The following PDE8B variants were observed in gnomAD, a reference collection of about 807,000 sequenced individuals.
The protein encoded by PDE8B is high affinity cAMP-specific and IBMX-insensitive 3',5'-cyclic phosphodiesterase 8B.
Under a neutral mutation model 101.3 loss-of-function variants are expected in PDE8B, and 26 were observed. That is an observed-to-expected ratio of 0.26 (90% confidence interval 0.19 to 0.36). The LOEUF (loss-of-function observed/expected upper bound fraction) is 0.36. Among genes scored for constraint, PDE8B ranks in the 10% least tolerant of loss-of-function variants. The pLI, the probability that PDE8B is intolerant of heterozygous loss-of-function variation, is 1.00. For missense variants in PDE8B, 810 were observed against 1,163.1 expected (o/e 0.70, Z 4.42); for synonymous variants, 424 against 429.3 (o/e 0.99, Z 0.15).
chr5:77,292,524 C>T (rs1767594257), intron 1 of PDE8B, among the ~76,000 whole-genome samples: 1 of 152,168 alleles, frequency 6.6e-6, no homozygotes, highest in East Asian at 1.9e-4. Context: ...GGCCCCAGAC[C>T]CTCATCATCA....
At chr5:77,305,033 A>G (rs764931322) in intron 1 of PDE8B, among the ~76,000 whole-genome samples, 4 of 152,128 alleles carry the variant, frequency 2.6e-5, no homozygotes, top group Non-Finnish European at 4.4e-5. Context: ...TGGATATGTA[A>G]TAGAGTCTGC....
the PDE8B span, among the ~76,000 whole-genome samples, chr5:77,115,765 T>G: frequency 6.6e-6 from 1 of 152,206 alleles, no homozygotes; most frequent in South Asian, 2.1e-4. Flanking sequence ...TGTTAACATT[T>G]GAAAGCAAAA....
At chr5:77,333,365 C>A (rs1215775969) in intron 5 of PDE8B, among the ~76,000 whole-genome samples, 1 of 152,168 alleles carries the variant, frequency 6.6e-6, no homozygotes. Flanking sequence ...CACTCATTTT[C>A]TAAGAAATAG....
intron 2 of PDE8B, among the ~76,000 whole-genome samples, chr5:77,316,302 C>T (rs931882469): frequency 4.6e-5 from 7 of 152,132 alleles, no homozygotes; most frequent in African/African-American, 7.2e-5. Flanking sequence ...GGCACGATCT[C>T]GGCTCACTGC....
intron 1 of PDE8B, among the ~76,000 whole-genome samples, chr5:77,220,836 T>G (rs936700455): frequency 8.5e-5 from 13 of 152,170 alleles, no homozygotes; most frequent in Admixed American, 2.6e-4. Flanking sequence ...TGATCCATTG[T>G]GTGCTGGGGA....
At chr5:77,272,074 C>G (rs1046546552) in intron 1 of PDE8B, among the ~76,000 whole-genome samples, 1 of 152,206 alleles carries the variant, frequency 6.6e-6, no homozygotes, top group Non-Finnish European at 1.5e-5. Context: ...CTGGTCTAAA[C>G]TTCTGCCCCT....
At chr5:77,225,330 A>G (rs922853828) in intron 1 of PDE8B, among the ~76,000 whole-genome samples, 2 of 152,234 alleles carry the variant, frequency 1.3e-5, no homozygotes, top group African/African-American at 4.8e-5. Context: ...TTATCAGTTT[A>G]TAAATATTAG....
chr5:77,348,519 C>T (rs1780539656), intron 7 of PDE8B, among the ~76,000 whole-genome samples: 1 of 152,168 alleles, frequency 6.6e-6, no homozygotes, highest in South Asian at 2.1e-4. Context: ...CCTCCTGCCC[C>T]AGCCATTTAA....
intron 5 of PDE8B, among the ~76,000 whole-genome samples, chr5:77,335,289 G>A (rs1204986887): frequency 1.3e-5 from 2 of 152,094 alleles, no homozygotes; most frequent in Non-Finnish European, 2.9e-5. Flanking sequence ...CCTGAGTTCT[G>A]TTATAGGCTG....
chr5:77,412,148 ATGT>A lies in PDE8B; in HGVS notation c.1627_1629del (p.Val543del). 1 of 1,613,962 alleles carries A rather than the reference ATGT, an allele frequency of 6.2e-7. No individual in the cohort carries two copies. The highest frequency in any genetic ancestry group is 8.5e-7 in the Non-Finnish European group (1 of 1,179,816). On this transcript the variant is annotated inframe_deletion, in exon 16 of 22. Transcript: ENST00000264917. The stretch of plus-strand genomic sequence containing the variant: ...CTTGCAATGCCAATAACCATCAATG[ATGT>A]TCCCCCTTGTATCTCTCAATTACTT...
chr5:77,426,554 A>G lies in PDE8B; in HGVS notation c.2658A>G (p.Ter886=). ...GTTTGAGGCTTCCATCTGACAGCTA[A>G]AGCCAAGCCACAGAGGGGGCCTCTT... The part of the protein sequence containing the change: ...CKSLRLPSDS[*] Residue 886 remains the stop codon, a stop_retained_variant, in exon 22 of 22, where the codon TAA becomes TAG. Transcript: ENST00000264917. The G allele has an allele frequency of 6.4e-7, 1 of 1,559,548 alleles. No individual in the cohort carries two copies. Among genetic ancestry groups the G allele is most frequent in the South Asian group, 1.1e-5 (1 of 89,872 alleles).
chr5:77,101,135 G>GTTT, the PDE8B span, among the ~76,000 whole-genome samples: 1 of 133,306 alleles, frequency 7.5e-6, no homozygotes. Flanking sequence ...ACGCCTGCCT[G>GTTT]TTTTTTTTTT....
chr5:77,418,125 T>C, intron 17 of PDE8B, 104 bp from the exon 18 acceptor site: 1 of 799,124 alleles, frequency 1.3e-6, no homozygotes, highest in South Asian at 1.4e-5. Flanking sequence ...AAAAACGTTC[T>C]GAAAATCTCA....
At chr5:77,218,559 G>A (rs1488804131) in intron 1 of PDE8B, among the ~76,000 whole-genome samples, 1 of 152,222 alleles carries the variant, frequency 6.6e-6, no homozygotes, top group Non-Finnish European at 1.5e-5. Flanking sequence ...AGAGCAGAAG[G>A]ATGATAAACA....
Position 77,325,577 on chromosome 5 carries a change from T to C in PDE8B, c.438T>C (p.Asp146=), listed in dbSNP as rs763139202. ...TTGCAAAGGAAGATAGTCAGAGCGA[T>C]GGCTTCTGGTGGGCCTGCGACAGAG... ...LIFAKEDSQS[D]GFWWACDRAG... The change falls in exon 3 of 22, where the codon GAT becomes GAC. Residue 146 remains aspartate (D), a synonymous_variant. Transcript: ENST00000264917. 6.2e-7 allele frequency: 1 copy of C among 1,614,186 alleles called. No individual in the cohort carries two copies. Among genetic ancestry groups the C allele is most frequent in the Non-Finnish European group, 8.5e-7 (1 of 1,180,002 alleles).
chr5:77,103,774 C>G, the PDE8B span, among the ~76,000 whole-genome samples: 1 of 152,180 alleles, frequency 6.6e-6, no homozygotes, highest in Admixed American at 6.5e-5. Context: ...GGATTCTGTT[C>G]TGCTGTGTAC....
the PDE8B span, among the ~76,000 whole-genome samples, chr5:77,194,395 T>C: frequency 8.5e-5 from 13 of 152,254 alleles, no homozygotes; most frequent in Non-Finnish European, 1.6e-4. Context: ...TTTGTTCTTT[T>C]ACAATGGTGA....
the PDE8B span, among the ~76,000 whole-genome samples, chr5:77,150,365 C>T: frequency 6.6e-6 from 1 of 152,164 alleles, no homozygotes; most frequent in Non-Finnish European, 1.5e-5. Context: ...TCAGAGTTCC[C>T]AATGGAATTG....
rs562528527 is a variant in PDE8B, at chr5:77,311,485, A to G, written c.340-509A>G. Among the ~76,000 whole-genome samples the G allele has an allele frequency of 1.4e-4, 22 of 152,326 alleles. No individual in the cohort carries two copies. The South Asian group carries it at 4.1e-3, about 29-fold the overall frequency. On this transcript the variant is annotated intron_variant, in intron 1 of 21. Coordinates refer to ENST00000264917, the MANE Select transcript of PDE8B (RefSeq NM_003719.5). ...AGTAAGACTAAGCTGTTTGACCCTC[A>G]TAGTAAAACATGAAGATAAGAAAAC...
Sources: gnomAD v4.1 joint callset for allele counts (sites outside exome capture counted in the v4.1 genomes callset) on GRCh38, gnomAD v4.1.1 for gene constraint, MANE v1.5 for transcripts, NCBI Gene and HGNC (gene_info 2026-07-23, HGNC 2026-07-21) for gene names.